Variants in NCALD observed in about 807,000 individuals in gnomAD.
The protein encoded by NCALD is neurocalcin-delta.
In NCALD, 10 loss-of-function variants were observed where a neutral mutation model predicts 18.6. That is an observed-to-expected ratio of 0.54 (90% CI 0.33 to 0.91). The LOEUF is 0.91. NCALD is among the 40% of genes least tolerant of loss of function. The pLI is 0.03. For synonymous variants in NCALD, 88 were observed against 87.4 expected (o/e 1.01, Z -0.04); for missense variants, 184 against 247.6 (o/e 0.74, Z 1.72).
intron 2 of NCALD, among the ~76,000 whole-genome samples, chr8:101,696,559 C>A (rs1012834115): frequency 6.6e-6 from 1 of 152,126 alleles, no homozygotes; most frequent in African/African-American, 2.4e-5. Context: ...TGGGGGCGTT[C>A]AGTACACAAT....
intron 1 of NCALD, among the ~76,000 whole-genome samples, chr8:102,044,167 T>C (rs1379539254): frequency 1.3e-5 from 2 of 152,012 alleles, no homozygotes; most frequent in East Asian, 1.9e-4. Flanking sequence ...AAAAGTTCTT[T>C]TTTGAGAATT....
At chr8:101,851,725 A>G (rs1321588724) in intron 4 of NCALD, among the ~76,000 whole-genome samples, 1 of 152,106 alleles carries the variant, frequency 6.6e-6, no homozygotes, top group Non-Finnish European at 1.5e-5. Context: ...AGCATTGATC[A>G]CACCAGGCAT....
chr8:101,878,595 T>C (rs1006988955), intron 4 of NCALD, among the ~76,000 whole-genome samples: 15 of 152,218 alleles, frequency 9.9e-5, no homozygotes, highest in East Asian at 7.7e-4. Context: ...TTACATCTAG[T>C]GAAAGAAAAT....
intron 3 of NCALD, among the ~76,000 whole-genome samples, chr8:101,891,723 T>C (rs1816895580): frequency 6.6e-6 from 1 of 152,126 alleles, no homozygotes; most frequent in African/African-American, 2.4e-5. Context: ...GTCAGGGAGT[T>C]CCCTTTCCAA....
chr8:102,017,333 G>C (rs1210333845), intron 2 of NCALD, among the ~76,000 whole-genome samples: 1 of 151,606 alleles, frequency 6.6e-6, no homozygotes, highest in Admixed American at 6.6e-5. Flanking sequence ...TAAATATAAA[G>C]CTTAAAGCTT....
intron 1 of NCALD, among the ~76,000 whole-genome samples, chr8:102,033,182 T>C (rs759080611): frequency 2.0e-5 from 3 of 152,172 alleles, no homozygotes; most frequent in African/African-American, 7.2e-5. Context: ...ACAAAATAAG[T>C]GCAGCAATTG....
chr8:101,807,100 G>A (rs554810893), intron 4 of NCALD, among the ~76,000 whole-genome samples: 19 of 152,134 alleles, frequency 1.2e-4, no homozygotes, highest in African/African-American at 3.9e-4. Context: ...GATATTACTA[G>A]ATAAACGAAA....
At chr8:102,076,264 G>T (rs915712711) in intron 1 of NCALD, among the ~76,000 whole-genome samples, 1 of 152,116 alleles carries the variant, frequency 6.6e-6, no homozygotes, top group South Asian at 2.1e-4. Context: ...TAAAATGTTT[G>T]TAAAATAGTC....
At chr8:101,880,246 A>G (rs1489957959) in intron 4 of NCALD, among the ~76,000 whole-genome samples, 1 of 152,108 alleles carries the variant, frequency 6.6e-6, no homozygotes, top group African/African-American at 2.4e-5. Context: ...CCCTGGTGCT[A>G]AGCCCCTTAC....
At chr8:101,717,575 C>T (rs1261067007) in intron 2 of NCALD, among the ~76,000 whole-genome samples, 1 of 152,150 alleles carries the variant, frequency 6.6e-6, no homozygotes, top group East Asian at 1.9e-4. Flanking sequence ...CCACAGCTTG[C>T]CCCCAACTCA....
intron 2 of NCALD, among the ~76,000 whole-genome samples, chr8:101,700,841 T>C (rs1271257835): frequency 6.6e-6 from 1 of 152,140 alleles, no homozygotes; most frequent in African/African-American, 2.4e-5. Flanking sequence ...CCCCACAAAA[T>C]GAACGGCGTC....
At chr8:101,759,005 AACTT>A (rs1336733709) in intron 1 of NCALD, among the ~76,000 whole-genome samples, 1 of 152,140 alleles carries the variant, frequency 6.6e-6, no homozygotes, top group Non-Finnish European at 1.5e-5. Flanking sequence ...TGCCATCCCC[AACTT>A]ACTTCATACA....
chr8:101,872,061 C>T, intron 4 of NCALD: 1 of 1,399,146 alleles, frequency 7.1e-7, no homozygotes, highest in Non-Finnish European at 1.0e-6. Context: ...ATACCATGGG[C>T]AGATTCCTAT....
rs540668788 is a variant in NCALD at position 102,104,875 on chromosome 8, C to A, written c.-210+19362G>T. Among the ~76,000 whole-genome samples the A allele has an allele frequency of 1.7e-4, 26 of 152,324 alleles. No individual in the cohort carries two copies. In the South Asian group the frequency reaches 3.9e-3, roughly 23 times the overall value. On this transcript the variant is annotated intron_variant, in intron 1 of 6. Coordinates refer to the NCALD transcript ENST00000311028. ...AGCTTGCCTGCCATGTTTGGTTGAA[C>A]AATAGGCATGAAACCAATTCAGGGC...
chr8:101,738,033 G>A (rs145249140), intron 1 of NCALD, among the ~76,000 whole-genome samples: 103 of 152,290 alleles, frequency 6.8e-4, no homozygotes, highest in African/African-American at 2.2e-3. Context: ...ATGAAAGATC[G>A]TACCTTTCCA....
intron 4 of NCALD, among the ~76,000 whole-genome samples, chr8:101,864,311 A>G (rs1815668506): frequency 1.3e-5 from 2 of 152,210 alleles, no homozygotes; most frequent in South Asian, 4.1e-4. Context: ...AACAACCAAC[A>G]ACAAAGCAGG....
chr8:101,872,278 A>G lies in NCALD; in HGVS notation c.-20+14863T>C, dbSNP rs1180555652. On this transcript the variant is annotated intron_variant, in intron 4 of 6. Coordinates refer to the NCALD transcript ENST00000311028. ...CCCTGAAATCTCCAAAACTTCTCCA[A>G]ATTTATTCTTCAGTTTAATTGCTTT... is the stretch of plus-strand genomic sequence containing the variant. 20 of 1,391,408 alleles carry G rather than the reference A, an allele frequency of 1.4e-5. No individual in the cohort carries two copies. In the East Asian group the frequency reaches 2.1e-4, roughly 14 times the overall value. The allele number at this position is 1,391,408 out of a possible 1,614,324, so 86.2% of individuals were successfully genotyped here.
intron 2 of NCALD, among the ~76,000 whole-genome samples, chr8:101,954,205 A>G (rs1488565650): frequency 6.6e-6 from 1 of 152,190 alleles, no homozygotes; most frequent in African/African-American, 2.4e-5. Flanking sequence ...TTACTCATCC[A>G]TATTTTGGAT....
At chr8:101,721,168 G>A (rs1816337862) in intron 1 of NCALD, 1 of 151,934 alleles carries the variant, frequency 6.6e-6, no homozygotes, top group Admixed American at 6.6e-5. Flanking sequence ...TCGTCTATTG[G>A]AAAAAAAAAA....
Sources: allele counts gnomAD v4.1 joint callset (sites outside exome capture counted in the v4.1 genomes callset), GRCh38; gene constraint gnomAD v4.1.1; transcripts MANE v1.5; gene names NCBI Gene and HGNC (gene_info 2026-07-23, HGNC 2026-07-21).